Variants in PAK2 observed in about 807,000 individuals in gnomAD.
PAK2 encodes serine/threonine-protein kinase PAK 2.
A neutral mutation model predicts 65.9 loss-of-function variants in PAK2; 21 were observed. The ratio of observed to expected loss-of-function variants is 0.32; its 90% confidence interval spans 0.23 to 0.46. The LOEUF is 0.46. PAK2 is among the 20% of genes least tolerant of loss of function. The pLI, the probability that PAK2 is intolerant of heterozygous loss-of-function variation, is 1.00. For missense variants in PAK2, 324 were observed against 642.6 expected (o/e 0.50, Z 5.36); for synonymous variants, 204 against 219.7 (o/e 0.93, Z 0.63).
In PAK2 at chr3:196,781,652, A is replaced by G. The variant is rs1714718453; in HGVS notation, c.-21-974A>G. 1.3e-5 allele frequency among the ~76,000 whole-genome samples: 2 copies of G among 152,242 alleles called. 1 individual carries two copies. On this transcript the variant is annotated intron_variant, in intron 1 of 14. Coordinates refer to ENST00000327134, the MANE Select transcript of PAK2 (RefSeq NM_002577.4). ...GATGTCAAATTTTCAGAGACCAAAT[A>G]CTGTATCAGCAGTGCATTGTTTCAA...
intron 1 of PAK2, among the ~76,000 whole-genome samples, chr3:196,755,650 G>A (rs1036879004): frequency 6.6e-6 from 1 of 151,984 alleles, no homozygotes; most frequent in Non-Finnish European, 1.5e-5. Flanking sequence ...TAGAGATGGG[G>A]TTTCTCCACG....
At chr3:196,774,038 A>AC (rs1553802967) in intron 1 of PAK2, among the ~76,000 whole-genome samples, 1 of 151,860 alleles carries the variant, frequency 6.6e-6, no homozygotes, top group African/African-American at 2.4e-5. Flanking sequence ...TCTCAAAAAA[A>AC]AACAACAACA....
intron 5 of PAK2, 142 bp from the exon 6 acceptor site, chr3:196,806,437 G>C: frequency 1.7e-6 from 1 of 580,230 alleles, no homozygotes. Context: ...ATTCTATTGA[G>C]TTATCTAAGA....
intron 3 of PAK2, among the ~76,000 whole-genome samples, 157 bp from the exon 4 acceptor site, chr3:196,802,857 AAAG>A (rs1489904962): frequency 2.6e-5 from 4 of 152,160 alleles, no homozygotes; most frequent in Non-Finnish European, 4.4e-5. Context: ...AAAAAAGAAA[AAAG>A]AAAAAATAGA....
chr3:196,750,768 A>C (rs929985359), intron 1 of PAK2, among the ~76,000 whole-genome samples: 43 of 151,578 alleles, frequency 2.8e-4, no homozygotes, highest in Non-Finnish European at 5.3e-4. Context: ...AAAAAAAAAA[A>C]AACCAAAACA....
At chr3:196,774,881 G>A (rs1714485673) in intron 1 of PAK2, among the ~76,000 whole-genome samples, 1 of 152,192 alleles carries the variant, frequency 6.6e-6, no homozygotes, top group Admixed American at 6.5e-5. Context: ...ATTAGGTGGT[G>A]CAAAAGTAAT....
chr3:196,787,809 CCT>C (rs1714944775), intron 2 of PAK2, among the ~76,000 whole-genome samples: 2 of 152,156 alleles, frequency 1.3e-5, no homozygotes, highest in Admixed American at 6.5e-5. Context: ...ACCTCCCTTT[CCT>C]CTTACACTTA....
At chr3:196,754,797 C>T (rs1479483330) in intron 1 of PAK2, among the ~76,000 whole-genome samples, 1 of 152,188 alleles carries the variant, frequency 6.6e-6, no homozygotes. Context: ...GCCTGGTAAT[C>T]TCCCTGAATG....
In PAK2 at chr3:196,825,494, T is replaced by A. The variant is rs1413774963; in HGVS notation, c.1351-1702T>A. On this transcript the variant is annotated intron_variant, in intron 13 of 14. Coordinates refer to ENST00000327134, the MANE Select transcript of PAK2 (RefSeq NM_002577.4). ...CCGTCTCTACTGAAAATACAAAAAA[T>A]TAGCCGGGCATTTTGGCGGGCGCCT... 2.3e-4 allele frequency among the ~76,000 whole-genome samples: 34 copies of A among 150,322 alleles called. 1 individual carries two copies. The highest frequency in any genetic ancestry group is 8.0e-4 in the African/African-American group (32 of 39,936).
At chr3:196,816,023 C>G (rs1264600501) in intron 11 of PAK2, among the ~76,000 whole-genome samples, 1 of 152,102 alleles carries the variant, frequency 6.6e-6, no homozygotes, top group South Asian at 2.1e-4. Context: ...AATAAGCCTT[C>G]TTTTTTCCAC....
chr3:196,743,322 G>GT (rs1713269498), intron 1 of PAK2, among the ~76,000 whole-genome samples: 1 of 152,064 alleles, frequency 6.6e-6, no homozygotes, highest in South Asian at 2.1e-4. Context: ...AGAGTCCTGC[G>GT]TTTGAATTCT....
intron 2 of PAK2, among the ~76,000 whole-genome samples, chr3:196,792,988 G>A (rs938590914): frequency 9.9e-5 from 15 of 152,096 alleles, no homozygotes; most frequent in Non-Finnish European, 5.9e-5. Context: ...AGGGAAACAA[G>A]TTTCCCTTGT....
At chr3:196,777,957 A>G (rs1714587546) in intron 1 of PAK2, among the ~76,000 whole-genome samples, 1 of 152,248 alleles carries the variant, frequency 6.6e-6, no homozygotes, top group Admixed American at 6.5e-5. Flanking sequence ...GTGTATTCAC[A>G]GGGCTGTGCA....
At chr3:196,762,445 G>A (rs997867532) in intron 1 of PAK2, among the ~76,000 whole-genome samples, 8 of 148,712 alleles carry the variant, frequency 5.4e-5, no homozygotes, top group Non-Finnish European at 6.0e-5. Flanking sequence ...CTGCAATCCC[G>A]GCACCTCGGG....
intron 2 of PAK2, among the ~76,000 whole-genome samples, chr3:196,792,407 G>A (rs761833903): frequency 1.5e-4 from 23 of 152,132 alleles, no homozygotes; most frequent in Non-Finnish European, 2.8e-4. Context: ...TATGATAGAC[G>A]TATTAATAAT....
At chr3:196,812,610 A>G (rs1715864915) in intron 9 of PAK2, 129 bp from the exon 10 acceptor site, 2 of 601,506 alleles carry the variant, frequency 3.3e-6, no homozygotes, top group African/African-American at 3.7e-5. Context: ...GTGCAAGGCA[A>G]GGTGCCACCT....
At chr3:196,800,734 C>G (rs1179050821) in intron 2 of PAK2, among the ~76,000 whole-genome samples, 1 of 152,070 alleles carries the variant, frequency 6.6e-6, no homozygotes, top group African/African-American at 2.4e-5. Context: ...CAAACAGGAA[C>G]CAAAATGGCG....
At chr3:196,769,002 C>T (rs1031133625) in intron 1 of PAK2, among the ~76,000 whole-genome samples, 10 of 151,854 alleles carry the variant, frequency 6.6e-5, no homozygotes, top group African/African-American at 2.4e-4. Flanking sequence ...GCTCTGTTAC[C>T]CAGGCTGGAA....
rs1715966497 is a variant in PAK2 at position 196,815,170 on chromosome 3, A to G, written c.1053+602A>G. Among the ~76,000 whole-genome samples, 4 of 151,292 alleles carry G rather than the reference A, an allele frequency of 2.6e-5. No homozygotes were observed. The South Asian group carries it at 8.4e-4, about 32-fold the overall frequency. ...ACTCCAGCCTGGGCAACAGAGCGAG[A>G]GTCCGTCTCAAAAAAAAAGAAAAAG... On this transcript the variant is annotated intron_variant, in intron 11 of 14. Coordinates refer to ENST00000327134, the MANE Select transcript of PAK2 (RefSeq NM_002577.4).
Sources: allele counts gnomAD v4.1 joint callset (sites outside exome capture counted in the v4.1 genomes callset), GRCh38; gene constraint gnomAD v4.1.1; transcripts MANE v1.5; gene names NCBI Gene and HGNC (gene_info 2026-07-23, HGNC 2026-07-21).